Variants in JRK observed in about 807,000 individuals in gnomAD.
The protein encoded by JRK is Jrk helix-turn-helix protein, also known as jerky protein homolog.
For synonymous variants in JRK, 303 were observed against 218.1 expected, an observed-to-expected ratio of 1.39 and a Z score of -3.43; for missense variants, 720 against 509.2, an observed-to-expected ratio of 1.41 and a Z score of -3.98.
rs200453485 is a variant in JRK, at chr8:142,665,193, G to A, written c.866C>T (p.Pro289Leu). 20 of 717,732 alleles carry A rather than the reference G, an allele frequency of 2.8e-5. No individual in the cohort carries two copies. Among genetic ancestry groups the A allele is most frequent in the Admixed American group, 1.0e-4 (5 of 50,008 alleles). The allele number at this position is 717,732 out of a possible 1,614,324, so 44.5% of individuals were successfully genotyped here. ...VREHFRTIGL[P>L]EDSKAVLLLD... is the part of the protein sequence containing the mutation. Reference sequence around the variant, plus strand: ...CAAGAGAACGGCTTTGCTGTCTTCCGGCAAACCTATGGTTCTGAAGTGCTC... The same window carrying A: ...CAAGAGAACGGCTTTGCTGTCTTCCAGCAAACCTATGGTTCTGAAGTGCTC... Residue 289 changes from proline (P) to leucine (L), a missense_variant, in exon 2 of 2, where the codon CCG becomes CTG. Physicochemically the swap from Pro to Leu is moderately conservative, Grantham distance 98 (BLOSUM62 -3). Coordinates refer to ENST00000612905, the MANE Select transcript of JRK (RefSeq NM_003724.4).
chr8:142,666,282 C>T lies in JRK; in HGVS notation c.-224G>A. 2.8e-6 allele frequency: 2 copies of T among 716,810 alleles called. No homozygotes were observed. 44.4% of individuals were successfully genotyped at this position (716,810 alleles called of 1,614,324 possible). A position where few individuals can be genotyped will look rare whatever the true frequency, so the allele number is the denominator to read the frequency against. ...TATCCCTGGTCTTCCAGGCTCCACACACCTAGGCCTTGGCTCCTGGCAGTG... is the reference window on the plus strand; with the variant it reads ...TATCCCTGGTCTTCCAGGCTCCACATACCTAGGCCTTGGCTCCTGGCAGTG... On this transcript the variant is annotated 5_prime_UTR_variant, in exon 2 of 2. The change creates a new upstream start codon in the 5' untranslated region. Transcript: ENST00000612905.
Position 142,665,539 on chromosome 8 carries a change from C to G in JRK, c.520G>C (p.Ala174Pro). The change falls in exon 2 of 2, where the codon GCT (alanine) becomes CCT (proline). Residue 174 changes from alanine to proline, a missense_variant. Coordinates refer to ENST00000612905, the MANE Select transcript of JRK (RefSeq NM_003724.4). ...QFCAFFRSLA[A>P]EHGLSAEQVY... ...TGCTCGGCGGACAGCCCGTGCTCAG[C>G]AGCCAAGCTCCTGAAAAACGCACAG... The G allele has an allele frequency of 1.4e-6, 1 of 718,444 alleles. No homozygotes were observed. The highest frequency in any genetic ancestry group is 2.6e-6 in the Non-Finnish European group (1 of 385,098). 44.5% of individuals were successfully genotyped at this position (718,444 alleles called of 1,614,324 possible).
chr8:142,668,149 TC>T (rs1389272678), intron 1 of JRK, among the ~76,000 whole-genome samples: 1 of 152,216 alleles, frequency 6.6e-6, no homozygotes, highest in Admixed American at 6.5e-5. Flanking sequence ...CCCACCTCCC[TC>T]CCGCGTCCTT....
chr8:142,667,865 C>T (rs924039054), intron 1 of JRK, among the ~76,000 whole-genome samples: 1 of 152,196 alleles, frequency 6.6e-6, no homozygotes, highest in African/African-American at 2.4e-5. Context: ...AACAACTCTG[C>T]GAAACACCCC....
chr8:142,659,438 C>A lies in JRK; in HGVS notation c.*4914G>T. Reference sequence around the variant, plus strand: ...GCAGACATAGAGGGCCTTTGAGCACCTCGTAGCTTGCTTCCCAGCCAGCCT... The same window carrying A: ...GCAGACATAGAGGGCCTTTGAGCACATCGTAGCTTGCTTCCCAGCCAGCCT... On this transcript the variant is annotated 3_prime_UTR_variant, in exon 2 of 2. Transcript: ENST00000612905. The A allele has an allele frequency of 8.1e-6, 8 of 986,306 alleles. No individual in the cohort carries two copies. Among genetic ancestry groups the A allele is most frequent in the Non-Finnish European group, 9.6e-6 (8 of 830,502 alleles). 61.1% of individuals were successfully genotyped at this position (986,306 alleles called of 1,614,324 possible). A position where few individuals can be genotyped will look rare whatever the true frequency, so the allele number is the denominator to read the frequency against.
chr8:142,648,566 G>T, the JRK span, among the ~76,000 whole-genome samples: 3 of 152,252 alleles, frequency 2.0e-5, no homozygotes, highest in Non-Finnish European at 4.4e-5. Flanking sequence ...TGAGTCCACA[G>T]AAGTCAAGAA....
intron 1 of JRK, among the ~76,000 whole-genome samples, chr8:142,667,590 T>C (rs1194580230): frequency 6.6e-6 from 1 of 152,164 alleles, no homozygotes; most frequent in Non-Finnish European, 1.5e-5. Context: ...ATGACTAATT[T>C]ACGCCAGAAG....
At chr8:142,666,667 G>A (rs1847137402) in intron 1 of JRK, 147 bp from the exon 2 acceptor site, 1 of 170,506 alleles carries the variant, frequency 5.9e-6, no homozygotes, top group Non-Finnish European at 1.3e-5. Flanking sequence ...GCACTGTGGG[G>A]AGAGGGTGGC....
In JRK at chr8:142,659,533, A is replaced by T. The variant is rs782432580; in HGVS notation, c.*4819T>A. On this transcript the variant is annotated 3_prime_UTR_variant, in exon 2 of 2. Transcript: ENST00000612905. Reference sequence around the variant, plus strand: ...CAGCCATGGCCAGTGGGCCTCCCACAATCTGCCCCTGGGTGCAGGGCCTTG... The same window carrying T: ...CAGCCATGGCCAGTGGGCCTCCCACTATCTGCCCCTGGGTGCAGGGCCTTG... 1.1e-5 allele frequency: 11 copies of T among 985,728 alleles called. No homozygotes were observed. Among genetic ancestry groups the T allele is most frequent in the Non-Finnish European group, 1.3e-5 (11 of 830,146 alleles). The allele number at this position is 985,728 out of a possible 1,614,324, so 61.1% of individuals were successfully genotyped here.
rs587604181 is a variant in JRK at position 142,663,024 on chromosome 8, G to A, written c.*1328C>T. 12 of 559,198 alleles carry A rather than the reference G, an allele frequency of 2.1e-5. No individual in the cohort carries two copies. The highest frequency in any genetic ancestry group is 2.5e-5 in the Non-Finnish European group (11 of 440,470). 34.6% of individuals were successfully genotyped at this position (559,198 alleles called of 1,614,324 possible). A position where few individuals can be genotyped will look rare whatever the true frequency, so the allele number is the denominator to read the frequency against. ...AAAAAATAAAAAGGCGCGGTGGTGC[G>A]TGCCTCTAGTCCCAGCTACTCAGGA... On this transcript the variant is annotated 3_prime_UTR_variant, in exon 2 of 2. Transcript: ENST00000612905.
In JRK at chr8:142,664,773, G is replaced by A. The variant is rs781857287; in HGVS notation, c.1286C>T (p.Pro429Leu). 1.3e-4 allele frequency: 201 copies of A among 1,589,164 alleles called. No individual in the cohort carries two copies. The highest frequency in any genetic ancestry group is 6.6e-4 in the Middle Eastern group (4 of 6,064). Reference sequence around the variant, plus strand: ...GGCCTGGCGCTGGCGAAGCTGGCCCGGGCAGGAGGAGCCTTCCTTCACAAG... The same window carrying A: ...GGCCTGGCGCTGGCGAAGCTGGCCCAGGCAGGAGGAGCCTTCCTTCACAAG... ...LELVKEGSSC[P>L]GQLRQRQAAS... The change falls in exon 2 of 2, where the codon CCG becomes CTG. Residue 429 changes from proline to leucine, a missense_variant. By Grantham distance (98) the Pro-to-Leu change is moderately conservative (BLOSUM62 -3). Transcript: ENST00000612905.
chr8:142,661,400 G>C lies in JRK; in HGVS notation c.*2952C>G. 2 of 985,480 alleles carry C rather than the reference G, an allele frequency of 2.0e-6. No individual in the cohort carries two copies. The highest frequency in any genetic ancestry group is 2.4e-6 in the Non-Finnish European group (2 of 829,966). The allele number at this position is 985,480 out of a possible 1,614,324, so 61.0% of individuals were successfully genotyped here. A position where few individuals can be genotyped will look rare whatever the true frequency, so the allele number is the denominator to read the frequency against. ...AGTGGAGGCTGCCTGTCCCGAGTGAGGACACAGGAGCGCCCTCAGGCCTGA... is the reference window on the plus strand; with the variant it reads ...AGTGGAGGCTGCCTGTCCCGAGTGACGACACAGGAGCGCCCTCAGGCCTGA... On this transcript the variant is annotated 3_prime_UTR_variant, in exon 2 of 2. Coordinates refer to ENST00000612905, the MANE Select transcript of JRK (RefSeq NM_003724.4).
downstream of JRK, among the ~76,000 whole-genome samples, chr8:142,655,958 G>T (rs140733705): frequency 1.2e-4 from 19 of 152,172 alleles, no homozygotes; most frequent in African/African-American, 4.6e-4. Flanking sequence ...TCCATTTGAG[G>T]CAATATTGGC....
chr8:142,669,431 G>C (rs587696638), intron 1 of JRK, among the ~76,000 whole-genome samples: 1 of 152,262 alleles, frequency 6.6e-6, no homozygotes, highest in South Asian at 2.1e-4. Flanking sequence ...AGACAGCGCT[G>C]GGCTACTGGC....
chr8:142,650,305 AGTTAATGCTGAAGT>A, the JRK span, among the ~76,000 whole-genome samples: 4,730 of 152,208 alleles, frequency 0.031, 206 homozygotes, highest in African/African-American at 0.1. Context: ...TGGAGTTTTG[AGTTAATGCTGAAGT>A]GAGTTAAGAC....
Position 142,660,530 on chromosome 8 carries a change from G to T in JRK, c.*3822C>A. The T allele has an allele frequency of 2.7e-6, 2 of 750,932 alleles. No individual in the cohort carries two copies. The highest frequency in any genetic ancestry group is 3.2e-6 in the Non-Finnish European group (2 of 616,644). 46.5% of individuals were successfully genotyped at this position (750,932 alleles called of 1,614,324 possible). A position where few individuals can be genotyped will look rare whatever the true frequency, so the allele number is the denominator to read the frequency against. On this transcript the variant is annotated 3_prime_UTR_variant, in exon 2 of 2. Coordinates refer to ENST00000612905, the MANE Select transcript of JRK (RefSeq NM_003724.4). ...TCCTCCCGCCTCGGCCTCCTGAGTA[G>T]CTGGGGTTACAGGCACATGCCACCA...
rs782129882 is a variant in JRK at position 142,664,738 on chromosome 8, C to G, written c.1321G>C (p.Gly441Arg). The G allele has an allele frequency of 1.3e-6, 2 of 1,598,690 alleles. No individual in the cohort carries two copies. Among genetic ancestry groups the G allele is most frequent in the Admixed American group, 3.5e-5 (2 of 57,796 alleles). The change falls in exon 2 of 2, where the codon GGG becomes CGG. Residue 441 changes from glycine to arginine, a missense_variant. By Grantham distance (125) the Gly-to-Arg change is moderately radical. Transcript: ENST00000612905. ...QLRQRQAASW[G>R]VAGREAEGGR... ...CCTTCTGCCTCCCTTCCCGCTACCCCCCAGCTGGCGGCCTGGCGCTGGCGA... is the reference window on the plus strand; with the variant it reads ...CCTTCTGCCTCCCTTCCCGCTACCCGCCAGCTGGCGGCCTGGCGCTGGCGA...
chr8:142,661,102 G>T lies in JRK; in HGVS notation c.*3250C>A. ...CTCCATCGCATGCTCAGCCATGGCTGAGCACGAATGAAGCATATGGAAGTC... is the reference window on the plus strand; with the variant it reads ...CTCCATCGCATGCTCAGCCATGGCTTAGCACGAATGAAGCATATGGAAGTC... On this transcript the variant is annotated 3_prime_UTR_variant, in exon 2 of 2. Transcript: ENST00000612905. The T allele has an allele frequency of 1.0e-6, 1 of 985,480 alleles. No homozygotes were observed. The highest frequency in any genetic ancestry group is 1.2e-6 in the Non-Finnish European group (1 of 829,978). 61.0% of individuals were successfully genotyped at this position (985,480 alleles called of 1,614,324 possible).
At position 142,658,836 on chromosome 8, in the gene JRK, T is replaced by G. The variant is rs1418998745; in HGVS notation, c.*5516A>C. ...AGGGGTCTTACCCAGCACTGCCATG[T>G]GGCAGAAGTTCTCCAACATTATGTC... On this transcript the variant is annotated 3_prime_UTR_variant, in exon 2 of 2. Coordinates refer to ENST00000612905, the MANE Select transcript of JRK (RefSeq NM_003724.4). The G allele has an allele frequency of 3.7e-6, 6 of 1,609,516 alleles. No homozygotes were observed. The Admixed American group carries it at 8.4e-5, about 23-fold the overall frequency.
Sources: gnomAD v4.1 joint callset for allele counts (sites outside exome capture counted in the v4.1 genomes callset) on GRCh38, gnomAD v4.1.1 for gene constraint, MANE v1.5 for transcripts, NCBI Gene and HGNC (gene_info 2026-07-23, HGNC 2026-07-21) for gene names.